The following NBEA variants were observed in gnomAD, a reference collection of about 807,000 sequenced individuals.
NBEA encodes neurobeachin.
In NBEA, 44 loss-of-function variants were observed where a neutral mutation model predicts 343.4. That is an observed-to-expected ratio of 0.13 (90% CI 0.10 to 0.16). The LOEUF is 0.16. NBEA is among the 10% of genes least tolerant of loss of function. The pLI is 1.00. For synonymous variants in NBEA, 1,175 were observed against 1,238.7 expected (o/e 0.95, Z 1.08); for missense variants, 2,555 against 3,631.3 (o/e 0.70, Z 7.62).
At chr13:35,472,134 A>G (rs1360572182) in intron 40 of NBEA, among the ~76,000 whole-genome samples, 1 of 152,070 alleles carries the variant, frequency 6.6e-6, no homozygotes, top group Non-Finnish European at 1.5e-5. Context: ...CTTACCAACC[A>G]TGTAGGATTT....
intron 1 of NBEA, among the ~76,000 whole-genome samples, chr13:35,025,692 A>G (rs529949190): frequency 6.6e-6 from 1 of 152,188 alleles, no homozygotes; most frequent in African/African-American, 2.4e-5. Flanking sequence ...GAGATGTCTC[A>G]TCCTTTTATC....
chr13:35,127,857 G>A (rs887364776), intron 17 of NBEA, among the ~76,000 whole-genome samples: 1 of 151,834 alleles, frequency 6.6e-6, no homozygotes, highest in African/African-American at 2.4e-5. Flanking sequence ...GTAAAGATCA[G>A]TAAGCATAAC....
At chr13:35,178,890 A>G (rs553096957) in intron 28 of NBEA, among the ~76,000 whole-genome samples, 1 of 151,506 alleles carries the variant, frequency 6.6e-6, no homozygotes, top group Non-Finnish European at 1.5e-5. Flanking sequence ...ATGTGTTGTG[A>G]AAAGGATTTT....
At chr13:35,465,144 T>C (rs1305959682) in intron 40 of NBEA, among the ~76,000 whole-genome samples, 1 of 152,110 alleles carries the variant, frequency 6.6e-6, no homozygotes, top group Non-Finnish European at 1.5e-5. Flanking sequence ...CTTTTATATT[T>C]ATAAAGAAAA....
At chr13:35,247,410 A>G (rs2031371201) in intron 34 of NBEA, among the ~76,000 whole-genome samples, 1 of 152,146 alleles carries the variant, frequency 6.6e-6, no homozygotes, top group Non-Finnish European at 1.5e-5. Flanking sequence ...CCAGTGAGAC[A>G]CATTAGGAAT....
At chr13:35,140,279 G>A (rs1272028431) in intron 17 of NBEA, among the ~76,000 whole-genome samples, 1 of 151,886 alleles carries the variant, frequency 6.6e-6, no homozygotes, top group Non-Finnish European at 1.5e-5. Flanking sequence ...CTCCCAAACT[G>A]CTGGGATTAC....
chr13:35,621,107 A>G (rs1009882078), intron 48 of NBEA, among the ~76,000 whole-genome samples: 1 of 152,154 alleles, frequency 6.6e-6, no homozygotes, highest in Non-Finnish European at 1.5e-5. Flanking sequence ...ATGCTTATTC[A>G]TCTATGTGTC....
At chr13:35,666,856 G>A (rs1764380791) in intron 56 of NBEA, among the ~76,000 whole-genome samples, 1 of 152,106 alleles carries the variant, frequency 6.6e-6, no homozygotes, top group South Asian at 2.1e-4. Context: ...TCTTTCTGTA[G>A]GCTGAAATAC....
At chr13:35,104,378 A>G (rs1376524897) in intron 11 of NBEA, among the ~76,000 whole-genome samples, 3 of 151,960 alleles carry the variant, frequency 2.0e-5, no homozygotes, top group Admixed American at 6.6e-5. Flanking sequence ...GCTAGAATGT[A>G]GGCTTTATGA....
At chr13:35,115,914 A>G (rs1405443969) in intron 13 of NBEA, among the ~76,000 whole-genome samples, 1 of 152,204 alleles carries the variant, frequency 6.6e-6, no homozygotes, top group African/African-American at 2.4e-5. Context: ...AGGCACAGAG[A>G]TGTTATAAAA....
intron 38 of NBEA, among the ~76,000 whole-genome samples, chr13:35,386,472 A>G (rs967750866): frequency 6.6e-6 from 1 of 152,178 alleles, no homozygotes; most frequent in Non-Finnish European, 1.5e-5. Flanking sequence ...GGTACTTTGT[A>G]TGTTACATAA....
intron 10 of NBEA, 148 bp from the exon 11 acceptor site, chr13:35,098,149 C>G: frequency 2.1e-6 from 1 of 485,230 alleles, no homozygotes; most frequent in Non-Finnish European, 3.6e-6. Flanking sequence ...TATATTCTTT[C>G]ATAATATAAG....
chr13:35,395,683 C>T (rs912612406), intron 38 of NBEA, among the ~76,000 whole-genome samples: 9 of 152,014 alleles, frequency 5.9e-5, no homozygotes, highest in Non-Finnish European at 1.2e-4. Flanking sequence ...GTGTTTCAGA[C>T]TGTTTCTTTA....
rs185369456 is a variant in NBEA at position 35,236,965 on chromosome 13, A to G, written c.5776+4346A>G. ...TAACTTAGACTCTGGTACATCATAA[A>G]TATTCAGTGTTTTTCCCTTGTGTTT... is the stretch of plus-strand genomic sequence containing the variant. On this transcript the variant is annotated intron_variant, in intron 34 of 58. Coordinates refer to ENST00000379939, the MANE Select transcript of NBEA (RefSeq NM_001385012.1). Among the ~76,000 whole-genome samples the G allele has an allele frequency of 1.6e-3, 243 of 152,198 alleles. 1 individual carries two copies. The highest frequency in any genetic ancestry group is 5.6e-3 in the African/African-American group (231 of 41,524).
intron 35 of NBEA, among the ~76,000 whole-genome samples, chr13:35,291,233 T>C (rs890036254): frequency 2.0e-5 from 3 of 151,898 alleles, no homozygotes; most frequent in Non-Finnish European, 4.4e-5. Flanking sequence ...TCTTTATTCG[T>C]AGTTTCCTCA....
chr13:35,415,268 T>A (rs1486096655), intron 38 of NBEA, among the ~76,000 whole-genome samples: 1 of 152,200 alleles, frequency 6.6e-6, no homozygotes, highest in Non-Finnish European at 1.5e-5. Flanking sequence ...TTGGCTTTTG[T>A]TGCCATTGCT....
chr13:35,166,841 C>T (rs1380637300), intron 24 of NBEA, among the ~76,000 whole-genome samples: 1 of 151,814 alleles, frequency 6.6e-6, no homozygotes, highest in East Asian at 1.9e-4. Flanking sequence ...AATATTTGGG[C>T]TTTTTATATT....
At chr13:34,958,886 G>T (rs182688956) in intron 1 of NBEA, among the ~76,000 whole-genome samples, 76 of 152,170 alleles carry the variant, frequency 5.0e-4, no homozygotes, top group Admixed American at 1.4e-3. Context: ...CTAAGATCAG[G>T]ATCACCATGA....
intron 38 of NBEA, among the ~76,000 whole-genome samples, chr13:35,429,834 T>TGTGTGTGTGTGTGTGTAC (rs1555262949): frequency 6.7e-6 from 1 of 148,438 alleles, no homozygotes; most frequent in African/African-American, 2.5e-5. Flanking sequence ...TGTGTGTGTG[T>TGTGTGTGTGTGTGTGTAC]ACACACATTT....
Sources: allele counts gnomAD v4.1 joint callset (sites outside exome capture counted in the v4.1 genomes callset), GRCh38; gene constraint gnomAD v4.1.1; transcripts MANE v1.5; gene names NCBI Gene and HGNC (gene_info 2026-07-23, HGNC 2026-07-21).